Variants in EPHA6 observed in about 807,000 individuals in gnomAD.
EPHA6 encodes the protein ephrin type-A receptor 6.
Under a neutral mutation model 112.0 loss-of-function variants are expected in EPHA6, and 50 were observed. That is an observed-to-expected ratio of 0.45 (90% CI 0.36 to 0.56). The LOEUF is 0.56. EPHA6 is among the 20% of genes least tolerant of loss of function. The probability of loss-of-function intolerance (pLI) is 0.00; values close to 1 mark genes in which losing one functional copy is unlikely to be tolerated. For missense variants in EPHA6, 1,280 were observed against 1,417.4 expected, an observed-to-expected ratio of 0.90 and a Z score of 1.56; for synonymous variants, 529 against 490.7, an observed-to-expected ratio of 1.08 and a Z score of -1.03.
At chr3:97,215,431 A>G (rs1459037900) in intron 3 of EPHA6, among the ~76,000 whole-genome samples, 1 of 152,066 alleles carries the variant, frequency 6.6e-6, no homozygotes, top group Non-Finnish European at 1.5e-5. Flanking sequence ...TCAAACATCT[A>G]TAAGAGAAAT....
chr3:97,009,321 A>G (rs1350871688), intron 3 of EPHA6, among the ~76,000 whole-genome samples: 1 of 152,102 alleles, frequency 6.6e-6, no homozygotes, highest in Non-Finnish European at 1.5e-5. Context: ...GTTACTGGAG[A>G]TCCTGCAGGG....
At chr3:97,646,347 A>G in intron 14 of EPHA6, 3 of 1,390,944 alleles carry the variant, frequency 2.2e-6, no homozygotes, top group East Asian at 2.6e-5. Context: ...AATCCTATAC[A>G]TGTAATATAT....
chr3:96,909,832 A>T (rs377332829), intron 2 of EPHA6, among the ~76,000 whole-genome samples: 2 of 151,960 alleles, frequency 1.3e-5, no homozygotes, highest in Non-Finnish European at 2.9e-5. Context: ...CAGAATTATA[A>T]ATGTTGGCTC....
At chr3:97,177,681 C>T (rs9825401) in intron 3 of EPHA6, among the ~76,000 whole-genome samples, 7,797 of 151,792 alleles carry the variant, frequency 0.051, 630 homozygotes, top group African/African-American at 0.17. Context: ...TTTGCTTAAT[C>T]GACCCCTTTA....
intron 3 of EPHA6, among the ~76,000 whole-genome samples, chr3:97,004,234 G>T (rs1255029264): frequency 6.6e-6 from 1 of 152,132 alleles, no homozygotes; most frequent in African/African-American, 2.4e-5. Context: ...CTTCCATAAT[G>T]GTTGAACTAA....
intron 3 of EPHA6, among the ~76,000 whole-genome samples, chr3:97,004,187 A>G (rs1023172925): frequency 1.3e-5 from 2 of 152,112 alleles, no homozygotes; most frequent in African/African-American, 4.8e-5. Context: ...GTCAAATGGT[A>G]TTTCTGGTTC....
chr3:97,054,057 C>T (rs2045771881), intron 3 of EPHA6, among the ~76,000 whole-genome samples: 1 of 151,840 alleles, frequency 6.6e-6, no homozygotes, highest in South Asian at 2.1e-4. Context: ...TAGGTAGTAA[C>T]CAACACCTAG....
chr3:97,616,933 C>T (rs2093771314), intron 13 of EPHA6, among the ~76,000 whole-genome samples: 1 of 151,896 alleles, frequency 6.6e-6, no homozygotes, highest in Non-Finnish European at 1.5e-5. Context: ...TGCAGAGAAC[C>T]CCAGTAAAAT....
chr3:97,006,484 G>T (rs1173433440), intron 3 of EPHA6, among the ~76,000 whole-genome samples: 3 of 151,652 alleles, frequency 2.0e-5, no homozygotes, highest in African/African-American at 7.3e-5. Flanking sequence ...GTGTCCATTT[G>T]ATTCTTCTCT....
chr3:96,969,424 G>A (rs2042237845), intron 2 of EPHA6, among the ~76,000 whole-genome samples: 1 of 151,826 alleles, frequency 6.6e-6, no homozygotes, highest in African/African-American at 2.4e-5. Context: ...TGTCAAGCAA[G>A]CTTTGACCTT....
chr3:97,521,628 G>A (rs1351088477), intron 10 of EPHA6, among the ~76,000 whole-genome samples: 1 of 152,060 alleles, frequency 6.6e-6, no homozygotes, highest in South Asian at 2.1e-4. Context: ...ACCTCCCACT[G>A]GGTCCCTCCC....
chr3:97,555,097 C>G (rs1465261574), intron 11 of EPHA6, among the ~76,000 whole-genome samples: 1 of 133,592 alleles, frequency 7.5e-6, no homozygotes, highest in Non-Finnish European at 1.6e-5. Context: ...CACCCCACAA[C>G]AGTCCCCAGA....
At chr3:96,973,486 A>C (rs749527188) in intron 2 of EPHA6, among the ~76,000 whole-genome samples, 2 of 152,096 alleles carry the variant, frequency 1.3e-5, no homozygotes, top group Non-Finnish European at 2.9e-5. Flanking sequence ...ATAAATATCT[A>C]TATCATTATA....
Position 97,414,409 on chromosome 3 carries a change from G to T in EPHA6, c.1731+9135G>T, listed in dbSNP as rs559998479. On this transcript the variant is annotated intron_variant, in intron 6 of 17. Coordinates refer to ENST00000389672, the MANE Select transcript of EPHA6 (RefSeq NM_001080448.3). Reference sequence around the variant, plus strand: ...GAAAATGCCTTACTTTCTTAATTTAGATAGGTACTTAACACCCTCAAGAAA... The same window carrying T: ...GAAAATGCCTTACTTTCTTAATTTATATAGGTACTTAACACCCTCAAGAAA... Among the ~76,000 whole-genome samples the T allele has an allele frequency of 1.3e-5, 2 of 151,990 alleles. 1 individual carries two copies. The highest frequency in any genetic ancestry group is 4.1e-4 in the South Asian group (2 of 4,822).
chr3:97,367,237 T>C (rs2084786113), intron 5 of EPHA6, among the ~76,000 whole-genome samples: 1 of 152,202 alleles, frequency 6.6e-6, no homozygotes, highest in Non-Finnish European at 1.5e-5. Context: ...TGTTAACGAT[T>C]AATACTTTTT....
intron 14 of EPHA6, among the ~76,000 whole-genome samples, chr3:97,701,860 A>G (rs1373295046): frequency 6.6e-6 from 1 of 152,118 alleles, no homozygotes; most frequent in East Asian, 1.9e-4. Context: ...GATAGGAACA[A>G]TGTATAGTGA....
chr3:97,128,547 G>T (rs1340557947), intron 3 of EPHA6, among the ~76,000 whole-genome samples: 1 of 152,086 alleles, frequency 6.6e-6, no homozygotes, highest in Non-Finnish European at 1.5e-5. Context: ...GTCTCACTCT[G>T]TTGCCCTGAT....
intron 5 of EPHA6, among the ~76,000 whole-genome samples, chr3:97,387,762 C>G (rs1486895731): frequency 1.3e-5 from 2 of 152,100 alleles, no homozygotes; most frequent in East Asian, 3.9e-4. Context: ...CTCTCATTAC[C>G]AATTTTCTGT....
At chr3:97,143,670 A>G (rs1275088233) in intron 3 of EPHA6, among the ~76,000 whole-genome samples, 1 of 151,820 alleles carries the variant, frequency 6.6e-6, no homozygotes, top group Admixed American at 6.6e-5. Flanking sequence ...AAGAAGCAAT[A>G]TATAGTATTA....
Sources: gnomAD v4.1 joint callset for allele counts (sites outside exome capture counted in the v4.1 genomes callset) on GRCh38, gnomAD v4.1.1 for gene constraint, MANE v1.5 for transcripts, NCBI Gene and HGNC (gene_info 2026-07-23, HGNC 2026-07-21) for gene names.